The following EXOG variants were observed in gnomAD, a reference collection of about 807,000 sequenced individuals.
EXOG encodes nuclease EXOG, mitochondrial.
EXOG carries 27 observed loss-of-function variants against 25.8 expected under a neutral mutation model. That is an observed-to-expected ratio of 1.05 (90% CI 0.77 to 1.45). The LOEUF (loss-of-function observed/expected upper bound fraction) is 1.45, where lower values mean the gene tolerates loss of function less well. Among genes scored for constraint, EXOG ranks in the 40% most tolerant of loss-of-function variants. EXOG has a pLI of 0.00. For missense variants in EXOG, 458 were observed against 450.5 expected, an observed-to-expected ratio of 1.02 and a Z score of -0.15; for synonymous variants, 133 against 167.0, an observed-to-expected ratio of 0.80 and a Z score of 1.57.
chr3:38,496,916 A>G (rs1018732269), intron 1 of EXOG: 1 of 1,149,072 alleles, frequency 8.7e-7, no homozygotes. Context: ...TACCTGGTAC[A>G]TAATTGGCAT....
At chr3:38,498,253 A>G (rs574534801) in intron 2 of EXOG, among the ~76,000 whole-genome samples, 1 of 152,306 alleles carries the variant, frequency 6.6e-6, no homozygotes, top group South Asian at 2.1e-4. Flanking sequence ...GTGTAGTATA[A>G]TTAAGGAACA....
intron 5 of EXOG, among the ~76,000 whole-genome samples, chr3:38,520,178 G>GGGTC (rs1293198641): frequency 6.6e-6 from 1 of 151,976 alleles, no homozygotes; most frequent in Non-Finnish European, 1.5e-5. Context: ...TGTTTGTTTT[G>GGGTC]GGTCTCTTCT....
At chr3:38,500,061 C>T (rs1192358401) in intron 2 of EXOG, 5 of 166,842 alleles carry the variant, frequency 3.0e-5, no homozygotes, top group African/African-American at 1.2e-4. Context: ...GAAGAGTGAA[C>T]TAGAACTAAC....
rs2060854612 is a variant in EXOG, at chr3:38,525,778, A to G, written c.*1416A>G. On this transcript the variant is annotated 3_prime_UTR_variant, in exon 6 of 6. Coordinates refer to ENST00000287675, the MANE Select transcript of EXOG (RefSeq NM_005107.4). ...GGCAACATAATGAAACCCTATCTTT[A>G]CAAAAAAATACAAAAATTAGCTGGG... is the stretch of plus-strand genomic sequence containing the variant. 2 of 406,052 alleles carry G rather than the reference A, an allele frequency of 4.9e-6. No individual in the cohort carries two copies. Among genetic ancestry groups the G allele is most frequent in the African/African-American group, 2.2e-5 (1 of 46,154 alleles). 25.2% of individuals were successfully genotyped at this position (406,052 alleles called of 1,614,324 possible).
rs189113016 is a variant in EXOG at position 38,497,690 on chromosome 3, G to A, written c.225G>A (p.Arg75=). ...TCCCTTTAACTGGAACAGAGGCAAG[G>A]TGTTACACTAATCACGCTTTGTCTT... ...FGFPLTGTEA[R]CYTNHALSYD... is the part of the protein sequence containing the mutation. Residue 75 remains arginine (R), a synonymous_variant, in exon 2 of 6, where the codon AGG becomes AGA. Transcript: ENST00000287675. 511 of 1,610,918 alleles carry A rather than the reference G, an allele frequency of 3.2e-4. No individual in the cohort carries two copies. In the African/African-American group the frequency reaches 5.7e-3, roughly 18 times the overall value.
chr3:38,512,103 T>C (rs909146446), intron 5 of EXOG, among the ~76,000 whole-genome samples: 1 of 152,226 alleles, frequency 6.6e-6, no homozygotes, highest in Non-Finnish European at 1.5e-5. Flanking sequence ...TGCTTTTGAG[T>C]TCATGAGTTC....
At chr3:38,522,936 T>G (rs1370016326) in intron 5 of EXOG, among the ~76,000 whole-genome samples, 2 of 152,266 alleles carry the variant, frequency 1.3e-5, no homozygotes, top group Non-Finnish European at 2.9e-5. Flanking sequence ...TGTGGATACC[T>G]TTCCAAAATG....
intron 3 of EXOG, among the ~76,000 whole-genome samples, chr3:38,503,233 A>T (rs1244176525): frequency 6.6e-6 from 1 of 152,220 alleles, no homozygotes. Flanking sequence ...GCCACTTTTG[A>T]ACTAGTATGT....
chr3:38,496,477 A>C lies in EXOG; in HGVS notation c.110A>C (p.Gln37Pro), dbSNP rs1365282024. 1.9e-6 allele frequency: 3 copies of C among 1,613,864 alleles called. No individual in the cohort carries two copies. Among genetic ancestry groups the C allele is most frequent in the African/African-American group, 1.3e-5 (1 of 75,040 alleles). The change falls in exon 1 of 6, where the codon CAG becomes CCG. Residue 37 changes from glutamine to proline, a missense_variant. Gln to Pro is a moderately conservative substitution (Grantham distance 76). Coordinates refer to ENST00000287675, the MANE Select transcript of EXOG (RefSeq NM_005107.4). ...GCGGGAGCTGGGCTCGCGGCCCTGCAGTTCTTCCGGAGTCAGGGCGCTGAG... is the reference window on the plus strand; with the variant it reads ...GCGGGAGCTGGGCTCGCGGCCCTGCCGTTCTTCCGGAGTCAGGGCGCTGAG... ...GAAGAGLAAL[Q>P]FFRSQGAEGA... is the part of the protein sequence containing the mutation.
chr3:38,507,964 C>T (rs1205550493), intron 5 of EXOG, among the ~76,000 whole-genome samples: 1 of 152,000 alleles, frequency 6.6e-6, no homozygotes, highest in Non-Finnish European at 1.5e-5. Context: ...AACCCCGTCT[C>T]TGCTAAAAAT....
rs117281323 is a variant in EXOG, at chr3:38,524,127, G to A, written c.872G>A (p.Arg291Gln). 2.0e-4 allele frequency: 330 copies of A among 1,613,802 alleles called. 1 individual carries two copies. In the East Asian group the frequency reaches 5.9e-3, roughly 29 times the overall value. Residue 291 changes from arginine to glutamine, a missense_variant, in exon 6 of 6, where the codon CGG becomes CAG. Arg to Gln is a conservative substitution (Grantham distance 43). This residue lies in a region of EXOG where 178 missense variants were observed against 203.7 expected (regional missense o/e 0.87). Transcript: ENST00000287675. ...CATTTGGATAGAACTAGTGATATCCGGAATATCTGCTCTGTGGACACCTGT... is the reference window on the plus strand; with the variant it reads ...CATTTGGATAGAACTAGTGATATCCAGAATATCTGCTCTGTGGACACCTGT... ...FPHLDRTSDI[R>Q]NICSVDTCKL...
rs1370643787 is a variant in EXOG at position 38,525,944 on chromosome 3, AAAAAAAGAAAAG to A, written c.*1594_*1605del. The A allele has an allele frequency of 1.8e-5, 18 of 981,632 alleles. No homozygotes were observed. The highest frequency in any genetic ancestry group is 1.9e-5 in the Non-Finnish European group (16 of 826,610). 60.8% of individuals were successfully genotyped at this position (981,632 alleles called of 1,614,324 possible). A position where few individuals can be genotyped will look rare whatever the true frequency, so the allele number is the denominator to read the frequency against. On this transcript the variant is annotated 3_prime_UTR_variant, in exon 6 of 6. Transcript: ENST00000287675. Reference sequence around the variant, plus strand: ...GGGCCACAGAGGGAGACCCTGTCTCAAAAAAAGAAAAGAAAAAAGAAAAAGGTCTGCCCACAA... The same window carrying A: ...GGGCCACAGAGGGAGACCCTGTCTCAAAAAAAGAAAAAGGTCTGCCCACAA...
intron 5 of EXOG, chr3:38,515,634 C>A: frequency 6.1e-6 from 1 of 164,836 alleles, no homozygotes. Context: ...GCGCCCAGGG[C>A]TCAGTGGACC....
intron 4 of EXOG, 21 bp from the exon 5 acceptor site, chr3:38,506,833 A>AT (rs769937945): frequency 9.9e-6 from 12 of 1,217,588 alleles, no homozygotes; most frequent in African/African-American, 3.0e-5. Flanking sequence ...AATATCATAC[A>AT]TTTTTTTATT....
Position 38,502,404 on chromosome 3 carries a change from T to A in EXOG, c.453+910T>A, listed in dbSNP as rs189851694. On this transcript the variant is annotated intron_variant, in intron 3 of 5. Coordinates refer to ENST00000287675, the MANE Select transcript of EXOG (RefSeq NM_005107.4). Reference sequence around the variant, plus strand: ...TTCATCATGCCTGGCTAATTTATTTTAAAAAATTTTTTTAATTTGTAGAAA... The same window carrying A: ...TTCATCATGCCTGGCTAATTTATTTAAAAAAATTTTTTTAATTTGTAGAAA... Among the ~76,000 whole-genome samples, 847 of 152,296 alleles carry A rather than the reference T, an allele frequency of 5.6e-3. 8 individuals are homozygous for A. The highest frequency in any genetic ancestry group is 0.033 in the Admixed American group (499 of 15,300).
intron 5 of EXOG, among the ~76,000 whole-genome samples, chr3:38,508,399 T>G (rs2060267217): frequency 6.6e-6 from 1 of 152,120 alleles, no homozygotes; most frequent in African/African-American, 2.4e-5. Context: ...AGAGCAGGTG[T>G]TCTTAGAAAA....
At chr3:38,497,576 G>A (rs2059928587) in intron 1 of EXOG, 53 bp from the exon 2 acceptor site, 4 of 1,528,398 alleles carry the variant, frequency 2.6e-6, no homozygotes, top group Non-Finnish European at 3.5e-6. Context: ...CTAATTGTGT[G>A]TGTGTGTTTT....
intron 4 of EXOG, 57 bp from the exon 5 acceptor site, chr3:38,506,797 T>C: frequency 1.3e-6 from 1 of 775,752 alleles, no homozygotes; most frequent in East Asian, 2.8e-5. Flanking sequence ...TATGATTTGC[T>C]GCTGTCTTAC....
At chr3:38,515,557 A>C in intron 5 of EXOG, 1 of 191,880 alleles carries the variant, frequency 5.2e-6, no homozygotes. Flanking sequence ...GAACTCGAAG[A>C]AGTGGGTGCT....
Sources: gnomAD v4.1 joint callset for allele counts (sites outside exome capture counted in the v4.1 genomes callset) on GRCh38, gnomAD v4.1.1 for gene constraint, gnomAD v4.1.1 regional missense constraint, MANE v1.5 for transcripts, NCBI Gene and HGNC (gene_info 2026-07-23, HGNC 2026-07-21) for gene names.